The following WWP2 variants were observed in gnomAD, a reference collection of about 807,000 sequenced individuals.
WWP2 encodes the protein NEDD4-like E3 ubiquitin-protein ligase WWP2.
A neutral mutation model predicts 121.0 loss-of-function variants in WWP2; 57 were observed. That is an observed-to-expected ratio of 0.47 (90% CI 0.38 to 0.59). WWP2 has a LOEUF of 0.59. Among genes scored for constraint, WWP2 ranks in the 20% least tolerant of loss-of-function variants. The pLI is 0.00. For missense variants in WWP2, 962 were observed against 1,158.9 expected (o/e 0.83, Z 2.47); for synonymous variants, 449 against 441.3 (o/e 1.02, Z -0.22).
intron 7 of WWP2, among the ~76,000 whole-genome samples, chr16:69,884,147 A>C (rs904267575): frequency 1.3e-5 from 2 of 152,184 alleles, no homozygotes; most frequent in African/African-American, 4.8e-5. Context: ...TCCTTGAAAA[A>C]ACACACACAT....
intron 7 of WWP2, among the ~76,000 whole-genome samples, chr16:69,875,812 C>G (rs1222385841): frequency 2.0e-5 from 3 of 152,206 alleles, no homozygotes; most frequent in African/African-American, 7.2e-5. Context: ...CCACTGAAAT[C>G]TTGAACCCCT....
At chr16:69,892,459 T>A (rs769875182) in intron 8 of WWP2, among the ~76,000 whole-genome samples, 20 of 151,548 alleles carry the variant, frequency 1.3e-4, no homozygotes, top group Non-Finnish European at 2.7e-4. Context: ...CTTGGCTACA[T>A]GCTTTTGCAA....
chr16:69,802,150 G>A (rs886963191), intron 4 of WWP2, among the ~76,000 whole-genome samples: 4 of 151,892 alleles, frequency 2.6e-5, no homozygotes, highest in South Asian at 2.1e-4. Flanking sequence ...GGCTGGTCTC[G>A]ATCTCCTGAC....
chr16:69,914,970 G>A (rs774156610), intron 9 of WWP2, among the ~76,000 whole-genome samples: 3 of 152,170 alleles, frequency 2.0e-5, no homozygotes, highest in South Asian at 2.1e-4. Context: ...GCAAGACACA[G>A]GGAACTTAAC....
intron 4 of WWP2, among the ~76,000 whole-genome samples, chr16:69,812,565 A>G (rs903242912): frequency 7.0e-6 from 1 of 142,910 alleles, no homozygotes; most frequent in Non-Finnish European, 1.5e-5. Context: ...TGCAGCCTCT[A>G]TCTCCTGGGC....
intron 6 of WWP2, among the ~76,000 whole-genome samples, chr16:69,849,658 C>G (rs2057164035): frequency 1.3e-5 from 2 of 152,046 alleles, no homozygotes; most frequent in South Asian, 4.1e-4. Context: ...GAAAAGTAAT[C>G]ATGGCTGGGC....
intron 8 of WWP2, among the ~76,000 whole-genome samples, chr16:69,899,654 G>A (rs542937116): frequency 1.9e-3 from 285 of 150,430 alleles, no homozygotes; most frequent in Non-Finnish European, 3.3e-3. Flanking sequence ...GCTTGAACCC[G>A]GGAGGCGGAG....
At chr16:69,862,102 G>C (rs1244638734) in intron 6 of WWP2, among the ~76,000 whole-genome samples, 1 of 152,194 alleles carries the variant, frequency 6.6e-6, no homozygotes, top group Non-Finnish European at 1.5e-5. Context: ...TTTCGCTCTT[G>C]TTGCCCCGGC....
chr16:69,929,218 C>G (rs1040720692), intron 11 of WWP2, among the ~76,000 whole-genome samples: 1 of 152,078 alleles, frequency 6.6e-6, no homozygotes, highest in African/African-American at 2.4e-5. Context: ...TGCTTCATCT[C>G]GAGTTGGAAG....
At chr16:69,847,771 G>A (rs1332093808) in intron 6 of WWP2, among the ~76,000 whole-genome samples, 2 of 152,050 alleles carry the variant, frequency 1.3e-5, no homozygotes, top group Non-Finnish European at 2.9e-5. Context: ...ACCCCCATGA[G>A]AGGACATTAA....
intron 1 of WWP2, among the ~76,000 whole-genome samples, chr16:69,784,347 G>A (rs1276439512): frequency 1.3e-5 from 2 of 152,040 alleles, no homozygotes; most frequent in African/African-American, 2.4e-5. Flanking sequence ...TGATCCACCC[G>A]CCTTGGCCTC....
At chr16:69,819,989 C>T (rs1382682636) in intron 4 of WWP2, among the ~76,000 whole-genome samples, 1 of 152,104 alleles carries the variant, frequency 6.6e-6, no homozygotes, top group Non-Finnish European at 1.5e-5. Context: ...CCTGTGATCT[C>T]AGTGCATTAA....
At chr16:69,917,463 C>G (rs1489029872) in intron 9 of WWP2, 2 of 420,844 alleles carry the variant, frequency 4.8e-6, no homozygotes, top group Non-Finnish European at 8.6e-6. Context: ...CCATGCAACT[C>G]TGAGGTTGGG....
rs1443213450 is a variant in WWP2 at position 69,925,644 on chromosome 16, G to A, written c.1234+160G>A. Among the ~76,000 whole-genome samples, 2 of 152,262 alleles carry A rather than the reference G, an allele frequency of 1.3e-5. No individual in the cohort carries two copies. The highest frequency in any genetic ancestry group is 3.9e-4 in the East Asian group (2 of 5,190). On this transcript the variant is annotated intron_variant, in intron 11 of 23. Transcript: ENST00000359154. This position sits in a 1 kb window ranked among gnomAD's most constrained non-coding sequence, Gnocchi z 4.0. The stretch of plus-strand genomic sequence containing the variant: ...GCATGCCCCACCAGAGCAATTACAG[G>A]TGATGGAGCTGGGCAGCTGGGAAAG...
intron 6 of WWP2, among the ~76,000 whole-genome samples, chr16:69,850,190 T>C (rs950959639): frequency 4.6e-5 from 7 of 152,064 alleles, no homozygotes; most frequent in East Asian, 1.9e-4. Flanking sequence ...ATTGAGACCA[T>C]CCTGGCTAAC....
chr16:69,936,819 C>T, intron 19 of WWP2: 1 of 474,216 alleles, frequency 2.1e-6, no homozygotes, highest in South Asian at 2.6e-5. Flanking sequence ...GTGCCTGTTC[C>T]TCAGGCCTCT....
intron 1 of WWP2, among the ~76,000 whole-genome samples, chr16:69,771,641 C>G (rs1400362186): frequency 6.6e-6 from 1 of 152,214 alleles, no homozygotes; most frequent in African/African-American, 2.4e-5. Flanking sequence ...GGGTTCCTTG[C>G]ATTTCCTTAC....
intron 8 of WWP2, among the ~76,000 whole-genome samples, chr16:69,902,643 A>G (rs2058223120): frequency 6.6e-6 from 1 of 152,318 alleles, no homozygotes; most frequent in African/African-American, 2.4e-5. Context: ...AGTTTGATTG[A>G]AAAGCCTTTT....
chr16:69,826,602 G>T (rs1169502809), intron 4 of WWP2, among the ~76,000 whole-genome samples: 2 of 135,936 alleles, frequency 1.5e-5, no homozygotes, highest in East Asian at 4.4e-4. Context: ...AAGTGGAGCC[G>T]GGCACGGTGG....
Sources: gnomAD v4.1 joint callset for allele counts (sites outside exome capture counted in the v4.1 genomes callset) on GRCh38, gnomAD v4.1.1 for gene constraint, Gnocchi (gnomAD v3.1) non-coding constraint, MANE v1.5 for transcripts, NCBI Gene and HGNC (gene_info 2026-07-23, HGNC 2026-07-21) for gene names.